The following IGF2R variants were observed in gnomAD, a reference collection of about 807,000 sequenced individuals.
IGF2R encodes the protein cation-independent mannose-6-phosphate receptor.
Under a neutral mutation model 270.6 loss-of-function variants are expected in IGF2R, and 91 were observed. The observed-to-expected ratio is 0.34, with a 90% CI of 0.28 to 0.40. The LOEUF is 0.40. Among genes scored for constraint, IGF2R ranks in the 10% least tolerant of loss-of-function variants. The pLI, the probability that IGF2R is intolerant of heterozygous loss-of-function variation, is 1.00. For synonymous variants in IGF2R, 1,316 were observed against 1,258.9 expected, an observed-to-expected ratio of 1.05 and a Z score of -0.96; for missense variants, 2,805 against 3,188.3, an observed-to-expected ratio of 0.88 and a Z score of 2.90.
At chr6:160,087,891 G>A in intron 41 of IGF2R, 142 bp from the exon 42 acceptor site, 1 of 609,228 alleles carries the variant, frequency 1.6e-6, no homozygotes, top group Admixed American at 2.4e-5. Context: ...GGTCAGGCTG[G>A]TCTCTAACTC....
chr6:160,007,606 T>C (rs1223197944), intron 2 of IGF2R: 13 of 152,228 alleles, frequency 8.5e-5, no homozygotes. Flanking sequence ...AGATCCACCA[T>C]TGTGTGGCTA....
chr6:160,043,374 A>G, intron 12 of IGF2R, 86 bp downstream of exon 12: 2 of 1,393,092 alleles, frequency 1.4e-6, no homozygotes, highest in Non-Finnish European at 2.0e-6. Flanking sequence ...TCTGTGGTTC[A>G]TCTAAGCCTC....
chr6:160,010,093 A>C (rs1275478898), intron 3 of IGF2R, among the ~76,000 whole-genome samples: 5 of 152,200 alleles, frequency 3.3e-5, no homozygotes, highest in African/African-American at 2.4e-5. Context: ...TTCTGTGTTC[A>C]CCATACCAGA....
chr6:160,071,231 G>GA (rs1311719927), intron 31 of IGF2R, among the ~76,000 whole-genome samples: 12 of 116,280 alleles, frequency 1.0e-4, no homozygotes, highest in African/African-American at 3.5e-4. Context: ...AGGGAAGGGT[G>GA]GGGGTGTGTC....
At position 160,048,273 on chromosome 6, in the gene IGF2R, A is replaced by G. The variant is rs901615771; in HGVS notation, c.2346-102A>G. The G allele has an allele frequency of 2.3e-5, 25 of 1,103,852 alleles. No individual in the cohort carries two copies. In the Admixed American group the frequency reaches 4.4e-4, roughly 19 times the overall value. 68.4% of individuals were successfully genotyped at this position (1,103,852 alleles called of 1,614,324 possible). ...CTCCTGGTAGTGTGATTGGTGGAGC[A>G]TGTTTTATTTGGTAGCTTTACTTCC... On this transcript the variant is annotated intron_variant, in intron 17 of 47. Coordinates refer to ENST00000356956, the MANE Select transcript of IGF2R (RefSeq NM_000876.4).
intron 1 of IGF2R, among the ~76,000 whole-genome samples, chr6:159,982,146 TGAC>T (rs1236698371): frequency 6.6e-6 from 1 of 152,240 alleles, no homozygotes; most frequent in African/African-American, 2.4e-5. Context: ...AGCAAGTTGT[TGAC>T]GACAGTGGTT....
intron 2 of IGF2R, among the ~76,000 whole-genome samples, chr6:159,995,158 G>A (rs1010198816): frequency 2.0e-5 from 3 of 151,476 alleles, no homozygotes; most frequent in African/African-American, 7.3e-5. Flanking sequence ...GTTATATCTT[G>A]TTGAATTGAT....
At chr6:160,067,388 C>T (rs748257937) in intron 29 of IGF2R, among the ~76,000 whole-genome samples, 6 of 152,084 alleles carry the variant, frequency 3.9e-5, no homozygotes, top group Non-Finnish European at 8.8e-5. Flanking sequence ...TCATATCCCC[C>T]TTATCTGCCT....
chr6:160,007,645 C>A (rs1202551965), intron 2 of IGF2R: 1 of 152,178 alleles, frequency 6.6e-6, no homozygotes, highest in East Asian at 1.9e-4. Context: ...TCTCTCCTTT[C>A]CAGCATGGTG....
intron 47 of IGF2R, 51 bp downstream of exon 47, chr6:160,103,866 G>C (rs1420224790): frequency 2.4e-6 from 3 of 1,231,818 alleles, no homozygotes; most frequent in Non-Finnish European, 3.6e-6. Flanking sequence ...GGCCCCCTGT[G>C]CTGCGCTGTC....
At chr6:160,030,868 G>A (rs1269056477) in intron 7 of IGF2R, among the ~76,000 whole-genome samples, 2 of 149,198 alleles carry the variant, frequency 1.3e-5, no homozygotes, top group African/African-American at 2.5e-5. Context: ...CTGTCGCCCC[G>A]GCCGGAGTGC....
At position 160,015,727 on chromosome 6, in the gene IGF2R, A is replaced by G. The variant is rs116089643; in HGVS notation, c.513+4942A>G. 2.4e-3 allele frequency among the ~76,000 whole-genome samples: 363 copies of G among 152,282 alleles called. 3 individuals are homozygous for G. Among genetic ancestry groups the G allele is most frequent in the African/African-American group, 8.2e-3 (340 of 41,574 alleles). The stretch of plus-strand genomic sequence containing the variant: ...GATTTTGTCCCTCCCCAAATCTCAC[A>G]TTGAATTTGAATCCCTAATGCTGGA... On this transcript the variant is annotated intron_variant, in intron 4 of 47. Coordinates refer to ENST00000356956, the MANE Select transcript of IGF2R (RefSeq NM_000876.4).
intron 12 of IGF2R, 91 bp from the exon 13 acceptor site, chr6:160,044,423 T>C: frequency 8.8e-7 from 1 of 1,137,696 alleles, no homozygotes; most frequent in Non-Finnish European, 1.3e-6. Flanking sequence ...TCTTTCTTTC[T>C]CTTTCTTTCT....
chr6:160,063,098 C>T (rs1376534558), intron 26 of IGF2R, among the ~76,000 whole-genome samples: 3 of 145,320 alleles, frequency 2.1e-5, no homozygotes, highest in South Asian at 2.2e-4. Flanking sequence ...AGTGTAATGG[C>T]GCCATCTCGG....
rs138826366 is a variant in IGF2R at position 160,096,621 on chromosome 6, C to T, written c.6838C>T (p.Leu2280=). Residue 2280 remains leucine (L), a synonymous_variant, in exon 45 of 48, where the codon CTG becomes TTG. Coordinates refer to ENST00000356956, the MANE Select transcript of IGF2R (RefSeq NM_000876.4). ...TTGGTACACCTCAGCCGTGTGTCCT[C>T]TGGGGTGAGTATGACATCCGGAAGC... ...FSWYTSAVCP[L]GVGFDSENPG... 3.7e-5 allele frequency: 59 copies of T among 1,610,900 alleles called. No homozygotes were observed. In the African/African-American group the frequency reaches 7.1e-4, roughly 19 times the overall value.
At position 160,078,487 on chromosome 6, in the gene IGF2R, A is replaced by G. The variant is rs1381958504; in HGVS notation, c.5478+125A>G. On this transcript the variant is annotated intron_variant, in intron 37 of 47. Coordinates refer to ENST00000356956, the MANE Select transcript of IGF2R (RefSeq NM_000876.4). ...GAGAGGGTGTATGTGGCCACTGGGC[A>G]GCATCTTGGTGCTCTCGTAGGGCAT... 7 of 883,976 alleles carry G rather than the reference A, an allele frequency of 7.9e-6. No homozygotes were observed. In the East Asian group the frequency reaches 1.7e-4, roughly 22 times the overall value. The allele number at this position is 883,976 out of a possible 1,614,324, so 54.8% of individuals were successfully genotyped here.
At position 160,076,690 on chromosome 6, in the gene IGF2R, G is replaced by A. The variant is rs142627759; in HGVS notation, c.5316+694G>A. Among the ~76,000 whole-genome samples, 745 of 152,324 alleles carry A rather than the reference G, an allele frequency of 4.9e-3. 6 individuals carry two copies. The highest frequency in any genetic ancestry group is 0.017 in the African/African-American group (687 of 41,584). ...CAGGGACACAGCACCACAGCCTGTC[G>A]TCTGTGCTTCTGAAATCTCTGAAGC... On this transcript the variant is annotated intron_variant, in intron 36 of 47. Coordinates refer to ENST00000356956, the MANE Select transcript of IGF2R (RefSeq NM_000876.4).
At chr6:160,095,326 GT>G (rs1455713470) in intron 44 of IGF2R, 1 of 152,632 alleles carries the variant, frequency 6.6e-6, no homozygotes, top group Admixed American at 6.5e-5. Flanking sequence ...CTGCTGCATG[GT>G]TTATGCCTCA....
chr6:160,095,543 G>C (rs187923310), intron 44 of IGF2R: 2 of 152,166 alleles, frequency 1.3e-5, no homozygotes, highest in Non-Finnish European at 2.9e-5. Context: ...AGTCCAAAGC[G>C]TTGACTGTTG....
Sources: allele counts gnomAD v4.1 joint callset (sites outside exome capture counted in the v4.1 genomes callset), GRCh38; gene constraint gnomAD v4.1.1; transcripts MANE v1.5; gene names NCBI Gene and HGNC (gene_info 2026-07-23, HGNC 2026-07-21).